Variants in CYP7B1 observed in about 807,000 individuals in gnomAD.
CYP7B1 encodes the protein cytochrome P450 family 7 subfamily B member 1.
In CYP7B1, 29 loss-of-function variants were observed where a neutral mutation model predicts 42.7. The observed-to-expected ratio is 0.68, with a 90% CI of 0.51 to 0.93. The LOEUF (loss-of-function observed/expected upper bound fraction) is 0.93, where lower values mean the gene tolerates loss of function less well. Ranked by LOEUF, CYP7B1 falls within the 40% of genes least tolerant of loss-of-function variation. The probability of loss-of-function intolerance (pLI) is 0.00; values close to 1 mark genes in which losing one functional copy is unlikely to be tolerated. For missense variants in CYP7B1, 655 were observed against 600.5 expected, an observed-to-expected ratio of 1.09 and a Z score of -0.95; for synonymous variants, 235 against 218.2, an observed-to-expected ratio of 1.08 and a Z score of -0.68.
Position 64,593,915 on chromosome 8 carries a change from G to A in CYP7B1, c.*2727C>T, listed in dbSNP as rs765328247. Among the ~76,000 whole-genome samples the A allele has an allele frequency of 9.9e-5, 15 of 152,164 alleles. No individual in the cohort carries two copies. Among genetic ancestry groups the A allele is most frequent in the Admixed American group, 2.6e-4 (4 of 15,284 alleles). On this transcript the variant is annotated 3_prime_UTR_variant, in exon 6 of 6. Coordinates refer to ENST00000310193, the MANE Select transcript of CYP7B1 (RefSeq NM_004820.5). ...AAAGGGAATCGTAAAACTGAAAAATGTAATGATTGAACTTAGCAAACTCAG... is the reference window on the plus strand; with the variant it reads ...AAAGGGAATCGTAAAACTGAAAAATATAATGATTGAACTTAGCAAACTCAG...
Position 64,591,128 on chromosome 8 carries a change from A to C in CYP7B1, c.*5514T>G, listed in dbSNP as rs1373696022. Among the ~76,000 whole-genome samples, 3 of 152,278 alleles carry C rather than the reference A, an allele frequency of 2.0e-5. No homozygotes were observed. Among genetic ancestry groups the C allele is most frequent in the African/African-American group, 7.2e-5 (3 of 41,578 alleles). Reference sequence around the variant, plus strand: ...ATTGTGTAGAGTTTTTCATGTATTAAATTTATTTTACTCTAGCAAGTAGTA... The same window carrying C: ...ATTGTGTAGAGTTTTTCATGTATTACATTTATTTTACTCTAGCAAGTAGTA... On this transcript the variant is annotated 3_prime_UTR_variant, in exon 6 of 6. Transcript: ENST00000310193.
intron 1 of CYP7B1, among the ~76,000 whole-genome samples, chr8:64,770,274 T>C (rs1804199731): frequency 6.6e-6 from 1 of 152,132 alleles, no homozygotes; most frequent in Admixed American, 6.5e-5. Flanking sequence ...AATTAAACTA[T>C]AGTTAAGCCA....
chr8:64,764,394 G>GAC (rs1563419899), intron 1 of CYP7B1, among the ~76,000 whole-genome samples: 16 of 152,078 alleles, frequency 1.1e-4, no homozygotes, highest in Non-Finnish European at 1.8e-4. Flanking sequence ...GAGGCACAGA[G>GAC]AGAGAAAGAA....
At chr8:64,636,924 C>A (rs111489257) in intron 1 of CYP7B1, among the ~76,000 whole-genome samples, 11 of 152,278 alleles carry the variant, frequency 7.2e-5, no homozygotes, top group African/African-American at 2.4e-4. Context: ...TGTTAATTTA[C>A]TTTACAGATG....
At chr8:64,671,348 C>T (rs1806364634) in intron 1 of CYP7B1, among the ~76,000 whole-genome samples, 2 of 151,912 alleles carry the variant, frequency 1.3e-5, no homozygotes, top group Admixed American at 6.6e-5. Flanking sequence ...AAGAGAAATC[C>T]TCATATTTCT....
At chr8:64,678,141 T>A (rs1218906555) in intron 1 of CYP7B1, among the ~76,000 whole-genome samples, 1 of 152,176 alleles carries the variant, frequency 6.6e-6, no homozygotes, top group Non-Finnish European at 1.5e-5. Context: ...GTCTTCTGTA[T>A]CACTCTCAGT....
At chr8:64,782,703 A>T (rs1804450050) in intron 1 of CYP7B1, among the ~76,000 whole-genome samples, 1 of 152,222 alleles carries the variant, frequency 6.6e-6, no homozygotes, top group African/African-American at 2.4e-5. Flanking sequence ...TAAAAGGAAT[A>T]ACCAGGATTT....
Position 64,617,149 on chromosome 8 carries a change from T to C in CYP7B1, c.260-868A>G, listed in dbSNP as rs1241053813. ...CCAAGGTCTCTTTGAGGTGATGACATTTACCTTTTCAACATATCAGTGTTG... is the reference window on the plus strand; with the variant it reads ...CCAAGGTCTCTTTGAGGTGATGACACTTACCTTTTCAACATATCAGTGTTG... On this transcript the variant is annotated intron_variant, in intron 2 of 5. Coordinates refer to ENST00000310193, the MANE Select transcript of CYP7B1 (RefSeq NM_004820.5). Among the ~76,000 whole-genome samples the C allele has an allele frequency of 2.0e-5, 3 of 152,260 alleles. No individual in the cohort carries two copies. The East Asian group carries it at 5.8e-4, about 29-fold the overall frequency.
intron 1 of CYP7B1, among the ~76,000 whole-genome samples, chr8:64,696,192 C>A (rs777455394): frequency 3.3e-5 from 5 of 152,096 alleles, no homozygotes; most frequent in Non-Finnish European, 7.3e-5. Flanking sequence ...GGTTATCATA[C>A]AGGGTCATTA....
At chr8:64,610,369 A>C (rs112524741) in intron 4 of CYP7B1, among the ~76,000 whole-genome samples, 4 of 152,310 alleles carry the variant, frequency 2.6e-5, no homozygotes, top group East Asian at 1.9e-4. Flanking sequence ...TCCAGTTAGA[A>C]GTTCCTAAAT....
chr8:64,704,162 A>G (rs1436150630), intron 1 of CYP7B1: 2 of 152,074 alleles, frequency 1.3e-5, no homozygotes, highest in East Asian at 3.9e-4. Flanking sequence ...GGCAGGAAGA[A>G]ATAAAAACTC....
chr8:64,689,447 C>T (rs1806705603), intron 1 of CYP7B1, among the ~76,000 whole-genome samples: 3 of 152,208 alleles, frequency 2.0e-5, no homozygotes, highest in African/African-American at 7.2e-5. Flanking sequence ...CAAAGCACAA[C>T]ACATTCCTTC....
intron 1 of CYP7B1, among the ~76,000 whole-genome samples, chr8:64,716,385 T>TTATGGAAAATACTA (rs941719625): frequency 2.6e-5 from 4 of 152,162 alleles, no homozygotes; most frequent in Non-Finnish European, 5.9e-5. Context: ...CCCTAAACAT[T>TTATGGAAAATACTA]TATGGAAAAT....
At chr8:64,694,710 G>A (rs948190906) in intron 1 of CYP7B1, among the ~76,000 whole-genome samples, 1 of 152,176 alleles carries the variant, frequency 6.6e-6, no homozygotes, top group African/African-American at 2.4e-5. Flanking sequence ...TTTTGTGGAA[G>A]TATTGATCCA....
chr8:64,671,333 A>G lies in CYP7B1; in HGVS notation c.123-46794T>C, dbSNP rs573033161. ...CTACTCTGCGTCAACTAAACTTTTT[A>G]CATCAAGAGAAATCCTCATATTTCT... On this transcript the variant is annotated intron_variant, in intron 1 of 5. Transcript: ENST00000310193. Among the ~76,000 whole-genome samples, 12 of 152,302 alleles carry G rather than the reference A, an allele frequency of 7.9e-5. No individual in the cohort carries two copies. The South Asian group carries it at 2.5e-3, about 32-fold the overall frequency.
At chr8:64,759,164 G>T (rs762693324) in intron 1 of CYP7B1, among the ~76,000 whole-genome samples, 3 of 152,188 alleles carry the variant, frequency 2.0e-5, no homozygotes, top group East Asian at 1.9e-4. Context: ...GCTGTAGCTC[G>T]CCAGGATGAA....
intron 2 of CYP7B1, among the ~76,000 whole-genome samples, chr8:64,616,762 T>C (rs1805455299): frequency 6.6e-6 from 1 of 152,196 alleles, no homozygotes; most frequent in Non-Finnish European, 1.5e-5. Context: ...TAAATGACCA[T>C]ACTGTATGGA....
chr8:64,741,316 G>A lies in CYP7B1; in HGVS notation c.122+57150C>T, dbSNP rs533790986. Among the ~76,000 whole-genome samples, 203 of 152,218 alleles carry A rather than the reference G, an allele frequency of 1.3e-3. 2 individuals carry two copies. Among genetic ancestry groups the A allele is most frequent in the Admixed American group, 3.9e-3 (59 of 15,280 alleles). Reference sequence around the variant, plus strand: ...ATGATTCTTCTATGTGGAAATCACAGAGATTTGAACATTTTTTTTTTTGAG... The same window carrying A: ...ATGATTCTTCTATGTGGAAATCACAAAGATTTGAACATTTTTTTTTTTGAG... On this transcript the variant is annotated intron_variant, in intron 1 of 5. Coordinates refer to ENST00000310193, the MANE Select transcript of CYP7B1 (RefSeq NM_004820.5).
At chr8:64,730,751 G>GCACACACAAACACACACACA (rs1807395992) in intron 1 of CYP7B1, among the ~76,000 whole-genome samples, 2 of 142,864 alleles carry the variant, frequency 1.4e-5, no homozygotes, top group African/African-American at 5.4e-5. Flanking sequence ...AGGACTGTCT[G>GCACACACAAACACACACACA]CACACACACA....
Sources: gnomAD v4.1 joint callset for allele counts (sites outside exome capture counted in the v4.1 genomes callset) on GRCh38, gnomAD v4.1.1 for gene constraint, MANE v1.5 for transcripts, NCBI Gene and HGNC (gene_info 2026-07-23, HGNC 2026-07-21) for gene names.